TENM3: variants seen among roughly 807,000 people sequenced by gnomAD.
TENM3 encodes the protein teneurin-3.
In TENM3, 63 loss-of-function variants were observed where a neutral mutation model predicts 255.1. That is an observed-to-expected ratio of 0.25 (90% CI 0.20 to 0.30). The LOEUF (loss-of-function observed/expected upper bound fraction) is 0.30, where lower values mean the gene tolerates loss of function less well. TENM3 is among the 10% of genes least tolerant of loss of function. The probability of loss-of-function intolerance (pLI) is 1.00; values close to 1 mark genes in which losing one functional copy is unlikely to be tolerated. For synonymous variants in TENM3, 1,306 were observed against 1,322.3 expected (o/e 0.99, Z 0.27); for missense variants, 2,929 against 3,461.1 (o/e 0.85, Z 3.86).
the TENM3 span, among the ~76,000 whole-genome samples, chr4:181,926,217 T>A: frequency 6.6e-6 from 1 of 152,220 alleles, no homozygotes; most frequent in South Asian, 2.1e-4. Context: ...CTTCCATAAA[T>A]GCAACTATAG....
At position 182,753,345 on chromosome 4, in the gene TENM3, G is replaced by A. The variant is rs866367658; in HGVS notation, c.3863-105G>A. On this transcript the variant is annotated intron_variant, in intron 20 of 27. Coordinates refer to ENST00000511685, the MANE Select transcript of TENM3 (RefSeq NM_001080477.4). ...CAGTCCTACCTGCTACCTGTCACCC[G>A]TGTTGTCACTGGGGTTAAATAACTG... 1.8e-4 allele frequency: 163 copies of A among 904,222 alleles called. 1 individual carries two copies. The highest frequency in any genetic ancestry group is 7.8e-4 in the South Asian group (47 of 60,596). 56.0% of individuals were successfully genotyped at this position (904,222 alleles called of 1,614,324 possible).
the TENM3 span, among the ~76,000 whole-genome samples, chr4:181,750,783 G>A: frequency 3.3e-3 from 502 of 152,206 alleles, no homozygotes; most frequent in Non-Finnish European, 5.7e-3. Context: ...TCTTAAAAAC[G>A]GTAACAGATA....
the TENM3 span, among the ~76,000 whole-genome samples, chr4:181,836,446 A>AC: frequency 6.6e-6 from 1 of 152,250 alleles, no homozygotes; most frequent in East Asian, 1.9e-4. Context: ...TCTTTCATTA[A>AC]CCTGGAATTG....
chr4:181,781,388 T>C, the TENM3 span, among the ~76,000 whole-genome samples: 1 of 152,222 alleles, frequency 6.6e-6, no homozygotes, highest in Admixed American at 6.5e-5. Flanking sequence ...GAAACAATTG[T>C]GAATGGGAAT....
the TENM3 span, among the ~76,000 whole-genome samples, chr4:181,804,509 A>T: frequency 6.6e-6 from 1 of 152,168 alleles, no homozygotes; most frequent in Admixed American, 6.5e-5. Context: ...ACAGAAGGAG[A>T]AATTACTTCA....
At chr4:181,800,338 T>G in the TENM3 span, among the ~76,000 whole-genome samples, 1 of 151,934 alleles carries the variant, frequency 6.6e-6, no homozygotes, top group South Asian at 2.1e-4. Flanking sequence ...GAATAAGAAA[T>G]AAGAATTCCT....
At chr4:182,047,912 T>C in the TENM3 span, among the ~76,000 whole-genome samples, 1 of 152,150 alleles carries the variant, frequency 6.6e-6, no homozygotes, top group Non-Finnish European at 1.5e-5. Flanking sequence ...AACCTGACTA[T>C]ATAAGAAATG....
chr4:182,553,164 T>C (rs1330807494), intron 3 of TENM3, among the ~76,000 whole-genome samples: 1 of 152,136 alleles, frequency 6.6e-6, no homozygotes, highest in Admixed American at 6.6e-5. Context: ...GGTGTGATCG[T>C]GCACACTGCA....
chr4:181,758,754 A>G, the TENM3 span, among the ~76,000 whole-genome samples: 1 of 152,214 alleles, frequency 6.6e-6, no homozygotes, highest in African/African-American at 2.4e-5. Context: ...AAAAGCCAGC[A>G]CCTACATCGG....
At chr4:182,456,210 A>G (rs1215170060) in intron 3 of TENM3, among the ~76,000 whole-genome samples, 1 of 152,220 alleles carries the variant, frequency 6.6e-6, no homozygotes, top group Admixed American at 6.5e-5. Flanking sequence ...AAGGCTGAGT[A>G]TCCCTGTCTA....
chr4:181,891,797 A>T, the TENM3 span, among the ~76,000 whole-genome samples: 1 of 152,150 alleles, frequency 6.6e-6, no homozygotes, highest in African/African-American at 2.4e-5. Flanking sequence ...TCCTTTGCCT[A>T]ACTTTTTGTT....
chr4:182,611,450 C>T (rs1387764906), intron 4 of TENM3, among the ~76,000 whole-genome samples: 1 of 151,492 alleles, frequency 6.6e-6, no homozygotes, highest in Non-Finnish European at 1.5e-5. Context: ...ACTAATCATA[C>T]CATATTTTTC....
the TENM3 span, among the ~76,000 whole-genome samples, chr4:182,135,661 G>A: frequency 1.3e-5 from 2 of 152,238 alleles, no homozygotes; most frequent in East Asian, 3.8e-4. Flanking sequence ...AATAGCATAT[G>A]ACCACGAACT....
At chr4:182,182,095 A>G (rs1364561700) in intron 1 of TENM3, among the ~76,000 whole-genome samples, 1 of 152,160 alleles carries the variant, frequency 6.6e-6, no homozygotes, top group Non-Finnish European at 1.5e-5. Flanking sequence ...GATGGAAAAC[A>G]CTGCAGTGTC....
At chr4:181,845,475 A>C in the TENM3 span, among the ~76,000 whole-genome samples, 3 of 152,168 alleles carry the variant, frequency 2.0e-5, no homozygotes, top group African/African-American at 7.2e-5. Context: ...ATGTTAGTGG[A>C]TGGGGAAGGA....
the TENM3 span, among the ~76,000 whole-genome samples, chr4:182,003,099 A>T: frequency 2.0e-5 from 3 of 152,244 alleles, no homozygotes; most frequent in South Asian, 2.1e-4. Context: ...CAAATAGTAG[A>T]TGCACAGCAT....
the TENM3 span, among the ~76,000 whole-genome samples, chr4:181,792,683 C>G: frequency 6.6e-6 from 1 of 152,274 alleles, no homozygotes; most frequent in South Asian, 2.1e-4. Flanking sequence ...GACATTTTGC[C>G]ATTTCTAATG....
intron 3 of TENM3, among the ~76,000 whole-genome samples, chr4:182,473,947 G>C (rs188013841): frequency 2.6e-5 from 4 of 152,164 alleles, no homozygotes; most frequent in Non-Finnish European, 5.9e-5. Context: ...CACAAAGTGA[G>C]ACCCTGTCTC....
At chr4:182,387,201 C>G (rs1027998950) in intron 3 of TENM3, among the ~76,000 whole-genome samples, 2 of 151,474 alleles carry the variant, frequency 1.3e-5, no homozygotes, top group African/African-American at 4.9e-5. Context: ...AATCGGCAAT[C>G]TGTATCTAGC....
Sources: gnomAD v4.1 joint callset for allele counts (sites outside exome capture counted in the v4.1 genomes callset) on GRCh38, gnomAD v4.1.1 for gene constraint, MANE v1.5 for transcripts, NCBI Gene and HGNC (gene_info 2026-07-23, HGNC 2026-07-21) for gene names.